SRGAP3: variants seen among roughly 807,000 people sequenced by gnomAD.
SRGAP3 encodes the protein SLIT-ROBO Rho GTPase-activating protein 3.
A neutral mutation model predicts 121.1 loss-of-function variants in SRGAP3; 39 were observed. The ratio of observed to expected loss-of-function variants is 0.32; its 90% CI spans 0.25 to 0.42. The LOEUF (loss-of-function observed/expected upper bound fraction) is 0.42. Among genes scored for constraint, SRGAP3 ranks in the 10% least tolerant of loss-of-function variants. SRGAP3 has a pLI of 1.00. For missense variants in SRGAP3, 1,213 were observed against 1,470.6 expected (o/e 0.82, Z 2.86); for synonymous variants, 601 against 570.0 (o/e 1.05, Z -0.77).
At chr3:9,291,620 A>T (rs1954871751) in intron 3 of SRGAP3, among the ~76,000 whole-genome samples, 1 of 151,970 alleles carries the variant, frequency 6.6e-6, no homozygotes, top group African/African-American at 2.4e-5. Context: ...ACACACACAC[A>T]CACACACACA....
At chr3:9,203,935 G>A (rs529098669) in intron 1 of SRGAP3, among the ~76,000 whole-genome samples, 19 of 152,302 alleles carry the variant, frequency 1.2e-4, no homozygotes, top group East Asian at 7.7e-4. Flanking sequence ...CACTGATGGG[G>A]CCTGGTCTCT....
chr3:8,993,273 C>T (rs761517071), intron 19 of SRGAP3, among the ~76,000 whole-genome samples: 3 of 152,248 alleles, frequency 2.0e-5, no homozygotes, highest in Non-Finnish European at 4.4e-5. Flanking sequence ...CCTCTTCTGT[C>T]CCACACCTAC....
chr3:9,230,264 G>T (rs985522819), intron 1 of SRGAP3, among the ~76,000 whole-genome samples: 1 of 152,224 alleles, frequency 6.6e-6, no homozygotes, highest in African/African-American at 2.4e-5. Flanking sequence ...CTTGCCCAAA[G>T]TCACACGGCT....
At chr3:9,060,428 CTTTTTTTT>C (rs59248524) in intron 5 of SRGAP3, 69 bp from the exon 6 acceptor site, 1 of 942,740 alleles carries the variant, frequency 1.1e-6, no homozygotes, top group South Asian at 2.0e-5. Context: ...TTTTCTATTC[CTTTTTTTT>C]TTTTTTTTGA....
At chr3:9,325,102 G>A (rs1473864133) in intron 3 of SRGAP3, among the ~76,000 whole-genome samples, 1 of 151,832 alleles carries the variant, frequency 6.6e-6, no homozygotes, top group South Asian at 2.1e-4. Flanking sequence ...ATGTCCTCAT[G>A]GTCGCACATT....
At chr3:9,276,388 G>A (rs1383610657) in intron 3 of SRGAP3, among the ~76,000 whole-genome samples, 3 of 150,830 alleles carry the variant, frequency 2.0e-5, no homozygotes, top group African/African-American at 2.4e-5. Flanking sequence ...GACCCTGACT[G>A]TCTTCCTGAT....
At chr3:9,294,062 C>A (rs1199545426) in intron 3 of SRGAP3, among the ~76,000 whole-genome samples, 2 of 152,054 alleles carry the variant, frequency 1.3e-5, no homozygotes. Flanking sequence ...ATTCCAATAG[C>A]AAAGACATGG....
intron 1 of SRGAP3, among the ~76,000 whole-genome samples, chr3:9,144,184 A>T (rs1949951216): frequency 6.6e-6 from 1 of 152,220 alleles, no homozygotes; most frequent in South Asian, 2.1e-4. Context: ...GGTTGCTTTT[A>T]GGATAAAGAC....
chr3:8,995,176 A>G (rs1559865702), intron 18 of SRGAP3, among the ~76,000 whole-genome samples: 1 of 152,190 alleles, frequency 6.6e-6, no homozygotes. Flanking sequence ...TGGTGTCTTT[A>G]TAAGAGGAGC....
At position 9,140,896 on chromosome 3, in the gene SRGAP3, T is replaced by C. The variant is rs537886488; in HGVS notation, c.68-15979A>G. 2.8e-4 allele frequency among the ~76,000 whole-genome samples: 42 copies of C among 152,350 alleles called. No individual in the cohort carries two copies. The South Asian group carries it at 5.8e-3, about 21-fold the overall frequency. On this transcript the variant is annotated intron_variant, in intron 1 of 21. Coordinates refer to ENST00000383836, the MANE Select transcript of SRGAP3 (RefSeq NM_014850.4). ...CCCTGGGAAAGTAATTATTGGATCA[T>C]ACCACAGTGAGATGTCCTCTAGTTG...
At chr3:9,031,484 A>G (rs1048389454) in intron 12 of SRGAP3, among the ~76,000 whole-genome samples, 4 of 152,014 alleles carry the variant, frequency 2.6e-5, no homozygotes, top group African/African-American at 9.7e-5. Context: ...AGCCCCTGAC[A>G]TCCTTCGACC....
At chr3:9,259,303 G>C (rs940509026) in intron 3 of SRGAP3, among the ~76,000 whole-genome samples, 6 of 151,816 alleles carry the variant, frequency 4.0e-5, no homozygotes, top group African/African-American at 1.5e-4. Flanking sequence ...TTTAGAGAGA[G>C]GGTCATGCCC....
intron 2 of SRGAP3, among the ~76,000 whole-genome samples, chr3:9,107,197 A>G (rs569458555): frequency 6.6e-6 from 1 of 152,340 alleles, no homozygotes; most frequent in East Asian, 1.9e-4. Context: ...TTAGACCCCA[A>G]CTAGAATCCC....
At chr3:9,178,880 C>T (rs989456484) in intron 1 of SRGAP3, among the ~76,000 whole-genome samples, 3 of 152,170 alleles carry the variant, frequency 2.0e-5, no homozygotes, top group African/African-American at 4.8e-5. Context: ...GTGGCCAGGA[C>T]GTGGGCAGCT....
intron 10 of SRGAP3, among the ~76,000 whole-genome samples, chr3:9,043,611 A>T (rs1325835477): frequency 1.3e-5 from 2 of 152,180 alleles, no homozygotes; most frequent in African/African-American, 4.8e-5. Flanking sequence ...CACAACCAGC[A>T]TCTTTAGAAA....
intron 3 of SRGAP3, among the ~76,000 whole-genome samples, chr3:9,269,407 T>C (rs967576751): frequency 6.6e-6 from 1 of 152,168 alleles, no homozygotes; most frequent in African/African-American, 2.4e-5. Flanking sequence ...CAGAGCCACA[T>C]AGTGATCTTT....
chr3:9,138,278 G>C (rs1159932935), intron 1 of SRGAP3, among the ~76,000 whole-genome samples: 4 of 152,076 alleles, frequency 2.6e-5, no homozygotes, highest in Non-Finnish European at 4.4e-5. Context: ...ACCATAAATG[G>C]AACCCCCCCC....
At position 9,098,019 on chromosome 3, in the gene SRGAP3, AG is replaced by A. The variant is rs1948059163; in HGVS notation, c.423+6660del. On this transcript the variant is annotated intron_variant, in intron 3 of 21. Coordinates refer to ENST00000383836, the MANE Select transcript of SRGAP3 (RefSeq NM_014850.4). ...AATACAGTCTCAGAGCTGGCTTCCCAGGGAACCCTGGTGATAGATCCTAATT... is the reference window on the plus strand; with the variant it reads ...AATACAGTCTCAGAGCTGGCTTCCCAGGAACCCTGGTGATAGATCCTAATT... Among the ~76,000 whole-genome samples the A allele has an allele frequency of 2.0e-5, 3 of 152,156 alleles. No homozygotes were observed. In the South Asian group the frequency reaches 6.2e-4, roughly 32 times the overall value.
chr3:9,127,915 G>C (rs754250648), intron 1 of SRGAP3, among the ~76,000 whole-genome samples: 29 of 141,846 alleles, frequency 2.0e-4, no homozygotes, highest in Non-Finnish European at 3.0e-4. Flanking sequence ...GAAAAGAAAA[G>C]AAAAGAAAAG....
Sources: allele counts gnomAD v4.1 joint callset (sites outside exome capture counted in the v4.1 genomes callset), GRCh38; gene constraint gnomAD v4.1.1; transcripts MANE v1.5; gene names NCBI Gene and HGNC (gene_info 2026-07-23, HGNC 2026-07-21).